DNAH2: variants seen among roughly 807,000 people sequenced by gnomAD.
DNAH2 encodes dynein axonemal heavy chain 2.
A neutral mutation model predicts 523.5 loss-of-function variants in DNAH2; 323 were observed. The ratio of observed to expected loss-of-function variants is 0.62; its 90% CI spans 0.56 to 0.68. The LOEUF is 0.68. DNAH2 is among the 30% of genes least tolerant of loss of function. DNAH2 has a pLI of 0.00. For missense variants in DNAH2, 4,907 were observed against 5,701.5 expected (o/e 0.86, Z 4.49); for synonymous variants, 2,093 against 2,177.4 (o/e 0.96, Z 1.08).
chr17:7,830,469 G>A lies in DNAH2; in HGVS notation c.12023G>A (p.Gly4008Asp). 1 of 1,614,166 alleles carries A rather than the reference G, an allele frequency of 6.2e-7. No homozygotes were observed. The highest frequency in any genetic ancestry group is 8.5e-7 in the Non-Finnish European group (1 of 1,180,034). ...FLQLGWNIIY[G>D]FNDSDFEVSE... Reference sequence around the variant, plus strand: ...CAGCTTGGCTGGAACATCATCTATGGCTTCAATGACTCCGACTTTGAGGTT... The same window carrying A: ...CAGCTTGGCTGGAACATCATCTATGACTTCAATGACTCCGACTTTGAGGTT... The change falls in exon 78 of 86, where the codon GGC becomes GAC. Residue 4008 changes from glycine (G) to aspartate (D), a missense_variant. By Grantham distance (94) the Gly-to-Asp change is moderately conservative (BLOSUM62 -1). This residue lies in a region of DNAH2 where 1,851 missense variants were observed against 2,139.4 expected (regional missense o/e 0.87). Transcript: ENST00000572933.
At position 7,719,904 on chromosome 17, in the gene DNAH2, G is replaced by T; in HGVS notation, c.166+4G>T. On this transcript the variant is annotated splice_donor_region_variant and intron_variant, in intron 2 of 85. Transcript: ENST00000572933. ...GAGCTCCCCAAGGAGGAGCCTGGTG[G>T]GTACTTGCTGGGGCAGAGGATGCTT... 6.6e-7 allele frequency: 1 copy of T among 1,518,998 alleles called. No homozygotes were observed. The highest frequency in any genetic ancestry group is 8.8e-7 in the Non-Finnish European group (1 of 1,134,344). The allele number at this position is 1,518,998 out of a possible 1,614,324, so 94.1% of individuals were successfully genotyped here.
chr17:7,831,089 G>A lies in DNAH2; in HGVS notation c.12234G>A (p.Leu4078=). 1.9e-6 allele frequency: 3 copies of A among 1,612,942 alleles called. No homozygotes were observed. The highest frequency in any genetic ancestry group is 2.5e-6 in the Non-Finnish European group (3 of 1,179,926). Residue 4078 remains leucine, a synonymous_variant, in exon 80 of 86, where the codon TTG becomes TTA. Transcript: ENST00000572933. This position sits in a 1 kb window ranked among gnomAD's most constrained non-coding sequence, Gnocchi z 4.2. ...TAATTATGCTATGACTCCCTAGGTTGTCAGCACTGGAGACTTATTTCATCC... is the reference window on the plus strand; with the variant it reads ...TAATTATGCTATGACTCCCTAGGTTATCAGCACTGGAGACTTATTTCATCC... ...DQSLSTPFHR[L]SALETYFIPK...
Position 7,817,612 on chromosome 17 carries a change from C to T in DNAH2, c.10072C>T (p.Leu3358=). ...CCCTTCTTTCGCCATCGATAACTTC[C>T]TGTGCAATCCTACCAAAGTCCGGGA... ...CSPSFAIDNF[L]CNPTKVRDWN... Residue 3358 remains leucine, a synonymous_variant, in exon 66 of 86, where the codon CTG becomes TTG. Transcript: ENST00000572933. The T allele has an allele frequency of 6.2e-7, 1 of 1,614,168 alleles. No homozygotes were observed. The highest frequency in any genetic ancestry group is 8.5e-7 in the Non-Finnish European group (1 of 1,180,030).
intron 12 of DNAH2, 161 bp downstream of exon 12, chr17:7,743,303 G>C: frequency 1.3e-6 from 1 of 775,688 alleles, no homozygotes; most frequent in Non-Finnish European, 2.1e-6. Flanking sequence ...TTTTATTTTT[G>C]TCTCTCCCCA....
rs200277631 is a variant in DNAH2, at chr17:7,742,998, T to C, written c.1760T>C (p.Met587Thr). 89 of 1,515,256 alleles carry C rather than the reference T, an allele frequency of 5.9e-5. 1 individual carries two copies. Among genetic ancestry groups the C allele is most frequent in the Non-Finnish European group, 7.8e-5 (88 of 1,135,050 alleles). 93.9% of individuals were successfully genotyped at this position (1,515,256 alleles called of 1,614,324 possible). ...GKESVHTYQQMVQAIDELVRK... is the reference protein window; with the variant it reads ...GKESVHTYQQTVQAIDELVRK... ...GAGAGTGTGCACACCTATCAGCAGA[T>C]GGTCCAGGCCATTGATGAGCTGGTT... The change falls in exon 12 of 86, where the codon ATG becomes ACG. Residue 587 changes from methionine to threonine, a missense_variant. Physicochemically the swap from Met to Thr is moderately conservative, Grantham distance 81. Coordinates refer to ENST00000572933, the MANE Select transcript of DNAH2 (RefSeq NM_020877.5).
intron 56 of DNAH2, among the ~76,000 whole-genome samples, chr17:7,801,096 C>T (rs1187725324): frequency 6.6e-6 from 1 of 151,870 alleles, no homozygotes; most frequent in Admixed American, 6.5e-5. Flanking sequence ...TGGTTTCGAA[C>T]ACGTGGGCTC....
chr17:7,767,998 A>G lies in DNAH2; in HGVS notation c.3774A>G (p.Glu1258=). The G allele has an allele frequency of 6.2e-7, 1 of 1,614,134 alleles. No individual in the cohort carries two copies. Among genetic ancestry groups the G allele is most frequent in the Non-Finnish European group, 8.5e-7 (1 of 1,180,036 alleles). The part of the protein sequence containing the change: ...KTGRFLILQT[E]TMETTAHGLF... Reference sequence around the variant, plus strand: ...GCCGGTTCCTGATCCTGCAGACGGAAACCATGGAGACCACGGCCCACGGGC... The same window carrying G: ...GCCGGTTCCTGATCCTGCAGACGGAGACCATGGAGACCACGGCCCACGGGC... Residue 1258 remains glutamate, a synonymous_variant, in exon 23 of 86, where the codon GAA becomes GAG. Transcript: ENST00000572933.
rs370712466 is a variant in DNAH2 at position 7,816,738 on chromosome 17, G to T, written c.9894+3G>T. 3 of 1,613,104 alleles carry T rather than the reference G, an allele frequency of 1.9e-6. No individual in the cohort carries two copies. The African/African-American group carries it at 4.0e-5, about 22-fold the overall frequency. On this transcript the variant is annotated splice_donor_region_variant and intron_variant, in intron 64 of 85. Coordinates refer to ENST00000572933, the MANE Select transcript of DNAH2 (RefSeq NM_020877.5). ...CCAGATGGGAGGAGACAGTCCAGGT[G>T]AGATCAGCTGTACTACCTGGTGTCC...
chr17:7,810,125 G>A (rs1486294214), intron 63 of DNAH2, among the ~76,000 whole-genome samples: 11 of 148,400 alleles, frequency 7.4e-5, no homozygotes, highest in South Asian at 4.2e-4. Context: ...ATGCAGTGGC[G>A]CAATCACGAC....
At chr17:7,787,561 C>T in intron 42 of DNAH2, 1 of 288,748 alleles carries the variant, frequency 3.5e-6, no homozygotes, top group Non-Finnish European at 6.6e-6. Context: ...AGGGTAAAAC[C>T]CCATCTCTAC....
In DNAH2 at chr17:7,798,491, A is replaced by AGAAAAG; in HGVS notation, c.8399-63_8399-58dup. On this transcript the variant is annotated intron_variant, in intron 54 of 85. Transcript: ENST00000572933. This position sits in a 1 kb window ranked among gnomAD's most constrained non-coding sequence, Gnocchi z 5.5. ...GGGGCGGGGAGGGTTCCTAAATCTC[A>AGAAAAG]GAAAAGGAATCAAGCCCAGGATGGG... 2 of 1,594,226 alleles carry AGAAAAG rather than the reference A, an allele frequency of 1.3e-6. No individual in the cohort carries two copies. The highest frequency in any genetic ancestry group is 2.2e-5 in the South Asian group (2 of 88,986).
Position 7,801,944 on chromosome 17 carries a change from A to T in DNAH2, c.8899A>T (p.Met2967Leu). The T allele has an allele frequency of 6.2e-7, 1 of 1,614,204 alleles. No individual in the cohort carries two copies. Among genetic ancestry groups the T allele is most frequent in the East Asian group, 2.2e-5 (1 of 44,888 alleles). ...GTCAGTAGCTCAGTATTCCCAGAAG[A>T]TGCTGTTGGAACTGCGGAGACACAA... ...HWSVAQYSQKMLLELRRHNYV... is the reference protein window; with the variant it reads ...HWSVAQYSQKLLLELRRHNYV... The change falls in exon 58 of 86, where the codon ATG becomes TTG. Residue 2967 changes from methionine to leucine, a missense_variant. Coordinates refer to ENST00000572933, the MANE Select transcript of DNAH2 (RefSeq NM_020877.5).
In DNAH2 at chr17:7,780,742, G is replaced by T; in HGVS notation, c.5963G>T (p.Gly1988Val). Residue 1988 changes from glycine (G) to valine (V), a missense_variant, in exon 38 of 86, where the codon GGC becomes GTC. Gly to Val is a moderately radical substitution (Grantham distance 109, BLOSUM62 -3). Around this residue, in one of 3 missense-constraint regions of DNAH2, gnomAD observed 2,806 missense variants for 3,190.8 expected, o/e 0.88. Coordinates refer to ENST00000572933, the MANE Select transcript of DNAH2 (RefSeq NM_020877.5). The surrounding 1 kb of genome is among the most constrained non-coding windows in gnomAD (Gnocchi z 4.4). The part of the protein sequence containing the change: ...RALTSLLRYA[G>V]KKRRLQPDLT... The stretch of plus-strand genomic sequence containing the variant: ...CTCACCTCCCTTCTGCGCTATGCTG[G>T]CAAGAAGCGCCGCCTACAGCCGGAT... The T allele has an allele frequency of 6.2e-7, 1 of 1,614,220 alleles. No individual in the cohort carries two copies. The highest frequency in any genetic ancestry group is 1.7e-5 in the Admixed American group (1 of 60,032).
chr17:7,776,493 A>G (rs2076456762), intron 31 of DNAH2, among the ~76,000 whole-genome samples: 1 of 152,118 alleles, frequency 6.6e-6, no homozygotes. Flanking sequence ...AAAGAAATGA[A>G]GAAATGAGGG....
intron 72 of DNAH2, among the ~76,000 whole-genome samples, chr17:7,819,794 C>T (rs576275221): frequency 1.3e-5 from 2 of 152,146 alleles, no homozygotes; most frequent in South Asian, 2.1e-4. Context: ...GTCTGTGGAT[C>T]ACATTTGAGC....
At chr17:7,802,549 G>A (rs774844639) in intron 58 of DNAH2, among the ~76,000 whole-genome samples, 5 of 152,118 alleles carry the variant, frequency 3.3e-5, no homozygotes, top group Admixed American at 6.5e-5. Context: ...CTCTAGATGA[G>A]TTATAATACC....
In DNAH2 at chr17:7,786,575, C is replaced by T; in HGVS notation, c.6354C>T (p.Phe2118=). Residue 2118 remains phenylalanine (F), a synonymous_variant, in exon 41 of 86, where the codon TTC becomes TTT. Transcript: ENST00000572933. This position sits in a 1 kb window ranked among gnomAD's most constrained non-coding sequence, Gnocchi z 7.5. Reference sequence around the variant, plus strand: ...CCTTCCGGTGTCATTTTCAGGAGTTCCCTTTGAACCCCAAGGCATTGTCCC... The same window carrying T: ...CCTTCCGGTGTCATTTTCAGGAGTTTCCTTTGAACCCCAAGGCATTGTCCC... ...GDPNFNIVRE[F]PLNPKALSLG... 6.2e-7 allele frequency: 1 copy of T among 1,613,414 alleles called. No homozygotes were observed. The highest frequency in any genetic ancestry group is 8.5e-7 in the Non-Finnish European group (1 of 1,179,726).
rs753579358 is a variant in DNAH2, at chr17:7,824,180, C to G, written c.11538C>G (p.Asp3846Glu). 6.2e-7 allele frequency: 1 copy of G among 1,603,362 alleles called. No homozygotes were observed. The highest frequency in any genetic ancestry group is 1.3e-5 in the African/African-American group (1 of 74,744). The change falls in exon 76 of 86, where the codon GAC becomes GAG. Residue 3846 changes from aspartate (D) to glutamate (E), a missense_variant. By Grantham distance (45) the Asp-to-Glu change is conservative. Coordinates refer to ENST00000572933, the MANE Select transcript of DNAH2 (RefSeq NM_020877.5). ...TGTTCATCCTGTCCCCTGGTGTGGA[C>G]CCCACCAGTGCCCTGCTGCAGCTGG... is the stretch of plus-strand genomic sequence containing the variant. ...PLVFILSPGV[D>E]PTSALLQLAE...
At position 7,764,150 on chromosome 17, in the gene DNAH2, G is replaced by A; in HGVS notation, c.3213G>A (p.Leu1071=). Residue 1071 remains leucine, a synonymous_variant, in exon 20 of 86, where the codon CTG becomes CTA. Transcript: ENST00000572933. ...GCCCTCCGCAGACACTGGAGGAACTGGGGGTCAGCTTGCAGCTCGTGGATG... is the reference window on the plus strand; with the variant it reads ...GCCCTCCGCAGACACTGGAGGAACTAGGGGTCAGCTTGCAGCTCGTGGATG... ...ISRPPQTLEE[L]GVSLQLVDAL... 1.2e-6 allele frequency: 2 copies of A among 1,614,196 alleles called. No homozygotes were observed. Among genetic ancestry groups the A allele is most frequent in the Non-Finnish European group, 1.7e-6 (2 of 1,180,036 alleles).
Sources: allele counts gnomAD v4.1 joint callset (sites outside exome capture counted in the v4.1 genomes callset), GRCh38; gene constraint gnomAD v4.1.1; regional missense constraint gnomAD v4.1.1; non-coding constraint Gnocchi (gnomAD v3.1); transcripts MANE v1.5; gene names NCBI Gene and HGNC (gene_info 2026-07-23, HGNC 2026-07-21).